The following SDC2 variants were observed in gnomAD, a reference collection of about 807,000 sequenced individuals.
SDC2 encodes syndecan-2.
In SDC2, 13 loss-of-function variants were observed where a neutral mutation model predicts 22.2. The observed-to-expected ratio is 0.59, with a 90% CI of 0.38 to 0.93. SDC2 has a LOEUF of 0.93. Among genes scored for constraint, SDC2 ranks in the 40% least tolerant of loss-of-function variants. The probability of loss-of-function intolerance (pLI) is 0.00; values close to 1 mark genes in which losing one functional copy is unlikely to be tolerated. For synonymous variants in SDC2, 94 were observed against 92.8 expected (o/e 1.01, Z -0.07); for missense variants, 235 against 246.8 (o/e 0.95, Z 0.32).
intron 1 of SDC2, among the ~76,000 whole-genome samples, chr8:96,496,819 A>G (rs1361846487): frequency 2.7e-4 from 41 of 152,210 alleles, no homozygotes; most frequent in Non-Finnish European, 1.5e-5. Context: ...CTGCCTATGA[A>G]AAGGAACTGG....
intron 1 of SDC2, among the ~76,000 whole-genome samples, chr8:96,554,823 G>T (rs1428348910): frequency 6.6e-6 from 1 of 152,136 alleles, no homozygotes; most frequent in South Asian, 2.1e-4. Flanking sequence ...GCTTGTTTTG[G>T]GTTGGTCTTC....
intron 2 of SDC2, among the ~76,000 whole-genome samples, chr8:96,598,094 A>G (rs1029787953): frequency 5.9e-5 from 9 of 152,110 alleles, no homozygotes; most frequent in Non-Finnish European, 8.8e-5. Context: ...CTTTCTGACT[A>G]CTTTTTAGAT....
At chr8:96,563,757 A>T (rs1004908500) in intron 1 of SDC2, among the ~76,000 whole-genome samples, 4 of 152,200 alleles carry the variant, frequency 2.6e-5, no homozygotes, top group African/African-American at 9.7e-5. Context: ...TGTGCATTGG[A>T]TTTTACATCC....
At chr8:96,593,680 G>C in intron 2 of SDC2, 89 bp downstream of exon 2, 1 of 848,104 alleles carries the variant, frequency 1.2e-6, no homozygotes, top group Non-Finnish European at 2.0e-6. Context: ...GAGACAGGCA[G>C]GATGCACAGT....
At position 96,494,340 on chromosome 8, in the gene SDC2, G is replaced by T. The variant is rs1226394917; in HGVS notation, c.60+9G>T. 1.3e-6 allele frequency: 2 copies of T among 1,540,136 alleles called. No individual in the cohort carries two copies. Among genetic ancestry groups the T allele is most frequent in the African/African-American group, 1.4e-5 (1 of 73,096 alleles). The stretch of plus-strand genomic sequence containing the variant: ...GCGTGTCGGCGGAGTCGGTGAGTGG[G>T]CCAGGCGGAGGATGCGCGCGCCGTT... On this transcript the variant is annotated intron_variant, in intron 1 of 4. Coordinates refer to ENST00000302190, the MANE Select transcript of SDC2 (RefSeq NM_002998.4).
chr8:96,502,602 C>T (rs1043977338), intron 1 of SDC2, among the ~76,000 whole-genome samples: 2 of 152,088 alleles, frequency 1.3e-5, no homozygotes, highest in African/African-American at 4.8e-5. Flanking sequence ...TGGTGCCTTC[C>T]GTTTGGTCCC....
In SDC2 at chr8:96,602,972, C is replaced by T. The variant is rs553168458; in HGVS notation, c.306+444C>T. On this transcript the variant is annotated intron_variant, in intron 3 of 4. Transcript: ENST00000302190. ...AAGTCATTTCTCAGTCTTCCTAGGC[C>T]GACCATCAGTACTATGTAATCCTTG... Among the ~76,000 whole-genome samples, 11 of 152,168 alleles carry T rather than the reference C, an allele frequency of 7.2e-5. No individual in the cohort carries two copies. The East Asian group carries it at 1.5e-3, about 21-fold the overall frequency.
At chr8:96,511,964 T>G (rs965525932) in intron 1 of SDC2, among the ~76,000 whole-genome samples, 1 of 152,148 alleles carries the variant, frequency 6.6e-6, no homozygotes, top group Admixed American at 6.5e-5. Context: ...GACACAACAG[T>G]CCCAAGACAG....
chr8:96,541,503 CAAAAAAAA>C (rs201996850), intron 1 of SDC2, among the ~76,000 whole-genome samples: 1 of 103,290 alleles, frequency 9.7e-6, no homozygotes, highest in African/African-American at 3.6e-5. Flanking sequence ...AAGCCCATCT[CAAAAAAAA>C]AAAAAAAAAA....
At chr8:96,495,726 C>T (rs954457297) in intron 1 of SDC2, among the ~76,000 whole-genome samples, 1 of 152,028 alleles carries the variant, frequency 6.6e-6, no homozygotes, top group Non-Finnish European at 1.5e-5. Flanking sequence ...TCTTTGGCAT[C>T]GAGCGGCAGA....
At chr8:96,512,080 G>T (rs982332348) in intron 1 of SDC2, among the ~76,000 whole-genome samples, 2 of 152,160 alleles carry the variant, frequency 1.3e-5, no homozygotes, top group African/African-American at 4.8e-5. Flanking sequence ...AGTCAAGGGG[G>T]AGAACATACC....
At chr8:96,582,668 G>T (rs1169399476) in intron 1 of SDC2, among the ~76,000 whole-genome samples, 5 of 151,692 alleles carry the variant, frequency 3.3e-5, no homozygotes, top group Non-Finnish European at 7.4e-5. Context: ...ACAAACAGGT[G>T]AGTTAGGTGT....
In SDC2 at chr8:96,494,001, TC is replaced by T; in HGVS notation, c.-268del. 2 of 520,468 alleles carry T rather than the reference TC, an allele frequency of 3.8e-6. No individual in the cohort carries two copies. Among genetic ancestry groups the T allele is most frequent in the Non-Finnish European group, 6.7e-6 (2 of 298,906 alleles). The allele number at this position is 520,468 out of a possible 1,614,324, so 32.2% of individuals were successfully genotyped here. ...CAAGAAGAGCTTCAGAGAGCAGCCT[TC>T]CCGGAGCACCAACTCCGTGTCGGGA... On this transcript the variant is annotated 5_prime_UTR_variant, in exon 1 of 5. Coordinates refer to ENST00000302190, the MANE Select transcript of SDC2 (RefSeq NM_002998.4).
At chr8:96,600,804 T>G (rs1169832716) in intron 2 of SDC2, among the ~76,000 whole-genome samples, 3 of 152,092 alleles carry the variant, frequency 2.0e-5, no homozygotes, top group African/African-American at 7.2e-5. Context: ...TGTTCAGAGG[T>G]GTGTTGTACC....
At chr8:96,549,164 C>A (rs1199029752) in intron 1 of SDC2, among the ~76,000 whole-genome samples, 1 of 152,174 alleles carries the variant, frequency 6.6e-6, no homozygotes, top group Non-Finnish European at 1.5e-5. Context: ...AAATGAGACA[C>A]CAGTTTCTCA....
chr8:96,576,374 G>GGTTTTTT (rs1554604662), intron 1 of SDC2, among the ~76,000 whole-genome samples: 1 of 40,632 alleles, frequency 2.5e-5, no homozygotes, highest in Non-Finnish European at 4.8e-5. Flanking sequence ...GTTTGTTTTT[G>GGTTTTTT]TTTTGTTTTG....
chr8:96,534,715 G>A (rs998220642), intron 1 of SDC2, among the ~76,000 whole-genome samples: 3 of 151,862 alleles, frequency 2.0e-5, no homozygotes, highest in Non-Finnish European at 4.4e-5. Flanking sequence ...GGGATTCCAG[G>A]CATGAGCCAC....
At chr8:96,533,214 G>C (rs769093688) in intron 1 of SDC2, among the ~76,000 whole-genome samples, 7 of 152,128 alleles carry the variant, frequency 4.6e-5, no homozygotes, top group Non-Finnish European at 7.4e-5. Context: ...AAAGAACAAA[G>C]CTTCCACAGT....
rs1815005132 is a variant in SDC2, at chr8:96,602,423, GC to G, written c.202del (p.Leu68Ter). The G allele has an allele frequency of 6.2e-7, 1 of 1,614,000 alleles. No homozygotes were observed. Among genetic ancestry groups the G allele is most frequent in the African/African-American group, 1.3e-5 (1 of 74,914 alleles). ...GADEDVESPELTTSRPLPKIL... is the reference protein window; with the variant it reads ...GADEDVESPEXTTSRPLPKIL... ...CTGATGAGGATGTAGAGAGTCCAGA[GC>G]TGACAACATCTCGACCACTTCCAAA... On this transcript the variant is annotated frameshift_variant, in exon 3 of 5. Coordinates refer to ENST00000302190, the MANE Select transcript of SDC2 (RefSeq NM_002998.4). LOFTEE classifies it high-confidence loss of function.
Sources: allele counts gnomAD v4.1 joint callset (sites outside exome capture counted in the v4.1 genomes callset), GRCh38; gene constraint gnomAD v4.1.1; transcripts MANE v1.5; gene names NCBI Gene and HGNC (gene_info 2026-07-23, HGNC 2026-07-21).